The following ADAM28 variants were observed in gnomAD, a reference collection of about 807,000 sequenced individuals.
ADAM28 encodes ADAM metallopeptidase domain 28.
In ADAM28, 105 loss-of-function variants were observed where a neutral mutation model predicts 101.2. The ratio of observed to expected loss-of-function variants is 1.04; its 90% confidence interval spans 0.89 to 1.22. The LOEUF (loss-of-function observed/expected upper bound fraction) is 1.22. Among genes scored for constraint, ADAM28 ranks in the 50% most tolerant of loss-of-function variants. The pLI is 0.00. For missense variants in ADAM28, 1,028 were observed against 945.4 expected (o/e 1.09, Z -1.15); for synonymous variants, 322 against 310.6 (o/e 1.04, Z -0.39).
chr8:24,324,537 G>A (rs544172391), intron 9 of ADAM28, among the ~76,000 whole-genome samples: 16 of 152,126 alleles, frequency 1.1e-4, no homozygotes, highest in Admixed American at 8.5e-4. Flanking sequence ...GAAGGAAGCA[G>A]TAAGGATTGA....
In ADAM28 at chr8:24,329,966, T is replaced by C; in HGVS notation, c.973-19T>C. Reference sequence around the variant, plus strand: ...TCATTCGAAAATCAGAGAATCTTTTTCTTCTTTCATACCTTTAGGACCACA... The same window carrying C: ...TCATTCGAAAATCAGAGAATCTTTTCCTTCTTTCATACCTTTAGGACCACA... On this transcript the variant is annotated intron_variant, in intron 10 of 22. Coordinates refer to ENST00000265769, the MANE Select transcript of ADAM28 (RefSeq NM_014265.6). 1 of 1,594,438 alleles carries C rather than the reference T, an allele frequency of 6.3e-7. No homozygotes were observed. The highest frequency in any genetic ancestry group is 8.6e-7 in the Non-Finnish European group (1 of 1,169,470).
At chr8:24,302,100 C>T (rs535339533) in intron 2 of ADAM28, among the ~76,000 whole-genome samples, 6 of 152,282 alleles carry the variant, frequency 3.9e-5, no homozygotes, top group South Asian at 4.1e-4. Context: ...CTTGCCCCGC[C>T]GCCTACCACT....
chr8:24,328,141 A>G (rs1445446533), intron 10 of ADAM28, among the ~76,000 whole-genome samples: 1 of 151,962 alleles, frequency 6.6e-6, no homozygotes, highest in African/African-American at 2.4e-5. Context: ...CCTAATTTCT[A>G]TCTAGTATAT....
Position 24,349,985 on chromosome 8 carries a change from C to G in ADAM28, c.2099+13C>G, listed in dbSNP as rs1196345431. On this transcript the variant is annotated intron_variant, in intron 19 of 22. Transcript: ENST00000265769. ...AGAAAGATCAGAGGTGATCCTTTAT[C>G]TTATCTTGCTGTAGGGACTCTTTGA... 1.2e-6 allele frequency: 2 copies of G among 1,610,816 alleles called. No individual in the cohort carries two copies. Among genetic ancestry groups the G allele is most frequent in the South Asian group, 1.1e-5 (1 of 90,918 alleles).
rs1455781527 is a variant in ADAM28, at chr8:24,324,016, T to A, written c.890+13T>A. ...CTCAGTTAATCACGTATGTACAGAT[T>A]TTCTCCCATTGCACACTATGTGGTA... On this transcript the variant is annotated intron_variant, in intron 9 of 22. Transcript: ENST00000265769. The A allele has an allele frequency of 1.2e-6, 2 of 1,610,118 alleles. No individual in the cohort carries two copies. The highest frequency in any genetic ancestry group is 1.7e-6 in the Non-Finnish European group (2 of 1,177,630).
intron 14 of ADAM28, chr8:24,336,233 T>G: frequency 1.1e-6 from 1 of 914,878 alleles, no homozygotes; most frequent in Non-Finnish European, 1.3e-6. Flanking sequence ...CCAAGAAAAC[T>G]TGAAAAATAA....
rs528657106 is a variant in ADAM28, at chr8:24,353,309, T to TAAGAGTCAGGTGCTCATG, written c.2245-457_2245-440dup. On this transcript the variant is annotated intron_variant, in intron 21 of 22. Transcript: ENST00000265769. ...GGGCCATATATAAGCAAACCTGGAATAAGAGTCAGGTGCTCATGAAGTAAG... is the reference window on the plus strand; with the variant it reads ...GGGCCATATATAAGCAAACCTGGAATAAGAGTCAGGTGCTCATGAAGAGTCAGGTGCTCATGAAGTAAG... Among the ~76,000 whole-genome samples the TAAGAGTCAGGTGCTCATG allele has an allele frequency of 1.1e-4, 17 of 152,210 alleles. No homozygotes were observed. In the South Asian group the frequency reaches 2.5e-3, roughly 22 times the overall value.
chr8:24,336,580 CAAAAAAAAAAAAAAAAA>C (rs769016133), intron 14 of ADAM28, among the ~76,000 whole-genome samples: 2,133 of 61,664 alleles, frequency 0.035, 67 homozygotes, highest in African/African-American at 0.13. Context: ...ACTCCGTCTC[CAAAAAAAAAAAAAAAAA>C]AAGAAAAAAA....
chr8:24,318,648 C>T (rs1811477964), intron 6 of ADAM28, among the ~76,000 whole-genome samples: 1 of 152,018 alleles, frequency 6.6e-6, no homozygotes, highest in African/African-American at 2.4e-5. Flanking sequence ...CTCTCATTCT[C>T]CCCATTTTAC....
rs151293519 is a variant in ADAM28, at chr8:24,349,932, C to A, written c.2059C>A (p.Arg687=). The part of the protein sequence containing the change: ...VIFVVVAMVI[R]HQSSREKQKK... Reference sequence around the variant, plus strand: ...TTTTGTGGTGGTTGCTATGGTAATCCGGCACCAGAGCTCCAGAGAAAAGCA... The same window carrying A: ...TTTTGTGGTGGTTGCTATGGTAATCAGGCACCAGAGCTCCAGAGAAAAGCA... The change falls in exon 19 of 23, where the codon CGG becomes AGG. Residue 687 remains arginine (R), a synonymous_variant. Coordinates refer to ENST00000265769, the MANE Select transcript of ADAM28 (RefSeq NM_014265.6). 1 of 1,613,416 alleles carries A rather than the reference C, an allele frequency of 6.2e-7. No homozygotes were observed.
chr8:24,306,692 A>T, intron 2 of ADAM28, among the ~76,000 whole-genome samples: 1 of 152,190 alleles, frequency 6.6e-6, no homozygotes, highest in African/African-American at 2.4e-5. Context: ...TTTATGTATA[A>T]ACAAAAAAAT....
intron 2 of ADAM28, among the ~76,000 whole-genome samples, chr8:24,301,380 T>G (rs1042072974): frequency 6.6e-6 from 1 of 152,194 alleles, no homozygotes; most frequent in Non-Finnish European, 1.5e-5. Context: ...ATGCTTATTA[T>G]CTGGGTGACA....
intron 6 of ADAM28, 111 bp downstream of exon 6, chr8:24,313,691 A>G: frequency 9.4e-7 from 1 of 1,068,480 alleles, no homozygotes; most frequent in Middle Eastern, 2.1e-4. Context: ...AGTAAGTTAT[A>G]GAGACACTAA....
chr8:24,294,082 C>A lies in ADAM28; in HGVS notation c.-68C>A. The A allele has an allele frequency of 1.3e-6, 2 of 1,537,962 alleles. No individual in the cohort carries two copies. The highest frequency in any genetic ancestry group is 1.4e-5 in the African/African-American group (1 of 73,350). Reference sequence around the variant, plus strand: ...TCATTCTGTCTCACTGGAGAGGAGGCAGGGACAGACCCAGCAGCACCCACC... The same window carrying A: ...TCATTCTGTCTCACTGGAGAGGAGGAAGGGACAGACCCAGCAGCACCCACC... On this transcript the variant is annotated 5_prime_UTR_variant, in exon 1 of 23. Transcript: ENST00000265769.
At chr8:24,347,430 T>C (rs139228059) in intron 18 of ADAM28, among the ~76,000 whole-genome samples, 1 of 152,228 alleles carries the variant, frequency 6.6e-6, no homozygotes, top group African/African-American at 2.4e-5. Flanking sequence ...TTCATTTATA[T>C]TCTCCGGAAG....
At chr8:24,321,172 A>G (rs1279691204) in intron 7 of ADAM28, 46 bp from the exon 8 acceptor site, 1 of 1,219,642 alleles carries the variant, frequency 8.2e-7, no homozygotes, top group Non-Finnish European at 1.2e-6. Flanking sequence ...TTCCAAGTAT[A>G]TTCATTTTTA....
intron 15 of ADAM28, among the ~76,000 whole-genome samples, chr8:24,340,369 G>C (rs1814614755): frequency 6.6e-6 from 1 of 152,180 alleles, no homozygotes; most frequent in South Asian, 2.1e-4. Flanking sequence ...TGTGCCTAAA[G>C]AACAATCATT....
intron 5 of ADAM28, among the ~76,000 whole-genome samples, chr8:24,312,530 A>G (rs1810607764): frequency 6.6e-6 from 1 of 152,024 alleles, no homozygotes; most frequent in South Asian, 2.1e-4. Flanking sequence ...CCCATAATTT[A>G]TCTTCTTATA....
intron 2 of ADAM28, among the ~76,000 whole-genome samples, chr8:24,303,831 G>A (rs1339793087): frequency 6.6e-6 from 1 of 152,032 alleles, no homozygotes; most frequent in Non-Finnish European, 1.5e-5. Flanking sequence ...GCAGTGGTTT[G>A]TGTTCTCCTT....
Sources: gnomAD v4.1 joint callset for allele counts (sites outside exome capture counted in the v4.1 genomes callset) on GRCh38, gnomAD v4.1.1 for gene constraint, MANE v1.5 for transcripts, NCBI Gene and HGNC (gene_info 2026-07-23, HGNC 2026-07-21) for gene names.